Variants in MALRD1 observed in about 807,000 individuals in gnomAD.
MALRD1 encodes the protein MAM and LDL-receptor class A domain-containing protein 1.
Under a neutral mutation model 242.1 loss-of-function variants are expected in MALRD1, and 247 were observed. The ratio of observed to expected loss-of-function variants is 1.02; its 90% CI spans 0.92 to 1.13. The LOEUF is 1.13. Ranked by LOEUF, MALRD1 falls within the 50% of genes most tolerant of loss-of-function variation. The probability of loss-of-function intolerance (pLI) is 0.00; values close to 1 mark genes in which losing one functional copy is unlikely to be tolerated. For synonymous variants in MALRD1, 995 were observed against 866.6 expected (o/e 1.15, Z -2.60); for missense variants, 2,989 against 2,533.1 (o/e 1.18, Z -3.86).
intron 19 of MALRD1, among the ~76,000 whole-genome samples, chr10:19,277,554 G>A (rs1233327262): frequency 3.9e-5 from 6 of 152,086 alleles, no homozygotes; most frequent in Admixed American, 2.6e-4. Flanking sequence ...TACTAGCTGA[G>A]GAAATATGAA....
intron 35 of MALRD1, 141 bp from the exon 36 acceptor site, chr10:19,615,716 T>A: frequency 1.6e-6 from 1 of 642,980 alleles, no homozygotes; most frequent in Non-Finnish European, 2.6e-6. Context: ...AAGTAGCCTA[T>A]GGGAATTCTT....
In MALRD1 at chr10:19,494,922, G is replaced by A. The variant is rs1367989711; in HGVS notation, c.5158+3277G>A. On this transcript the variant is annotated intron_variant, in intron 30 of 39. Coordinates refer to ENST00000454679, the MANE Select transcript of MALRD1 (RefSeq NM_001142308.3). Reference sequence around the variant, plus strand: ...CCAACATTCAAATTCAGGAAATGAAGAGAACCCCTGCAAGATATTACACAT... The same window carrying A: ...CCAACATTCAAATTCAGGAAATGAAAAGAACCCCTGCAAGATATTACACAT... Among the ~76,000 whole-genome samples the A allele has an allele frequency of 2.6e-5, 4 of 151,362 alleles. No homozygotes were observed. The East Asian group carries it at 7.7e-4, about 29-fold the overall frequency.
In MALRD1 at chr10:19,141,710, G is replaced by A. The variant is rs144250133; in HGVS notation, c.1412-4488G>A. ...TAGTTCAGGAAATTCCATGAAAAAGGGGTTTTTTAAATTATAGGACTTTAA... is the reference window on the plus strand; with the variant it reads ...TAGTTCAGGAAATTCCATGAAAAAGAGGTTTTTTAAATTATAGGACTTTAA... On this transcript the variant is annotated intron_variant, in intron 10 of 39. Coordinates refer to ENST00000454679, the MANE Select transcript of MALRD1 (RefSeq NM_001142308.3). 2.8e-3 allele frequency among the ~76,000 whole-genome samples: 432 copies of A among 151,836 alleles called. 1 individual carries two copies. The highest frequency in any genetic ancestry group is 0.01 in the African/African-American group (418 of 41,436).
intron 31 of MALRD1, among the ~76,000 whole-genome samples, chr10:19,522,929 A>G (rs747892682): frequency 3.9e-5 from 6 of 152,326 alleles, no homozygotes; most frequent in Non-Finnish European, 7.4e-5. Context: ...AATGAAAGAC[A>G]TGCTACCTTC....
At chr10:19,226,016 G>A (rs1282473211) in intron 18 of MALRD1, among the ~76,000 whole-genome samples, 14 of 152,098 alleles carry the variant, frequency 9.2e-5, no homozygotes, top group Non-Finnish European at 2.1e-4. Flanking sequence ...GTTTTACGTG[G>A]ATTCTCTCAA....
At chr10:19,210,576 T>G (rs754525519) in intron 18 of MALRD1, among the ~76,000 whole-genome samples, 6 of 152,242 alleles carry the variant, frequency 3.9e-5, no homozygotes, top group Non-Finnish European at 1.5e-5. Flanking sequence ...TGTCCCTGGC[T>G]AAACTTTTTT....
intron 14 of MALRD1, among the ~76,000 whole-genome samples, chr10:19,176,237 A>G (rs1364351600): frequency 6.6e-6 from 1 of 152,074 alleles, no homozygotes; most frequent in African/African-American, 2.4e-5. Flanking sequence ...GTATTCTTAC[A>G]GGAGCTGAAT....
chr10:19,220,854 A>C (rs182649646), intron 18 of MALRD1, among the ~76,000 whole-genome samples: 181 of 152,284 alleles, frequency 1.2e-3, no homozygotes, highest in African/African-American at 3.9e-3. Flanking sequence ...ATTATTTGGC[A>C]CCCAGGAAAC....
chr10:19,474,041 G>A (rs930152049), intron 29 of MALRD1, among the ~76,000 whole-genome samples: 3 of 151,922 alleles, frequency 2.0e-5, no homozygotes, highest in African/African-American at 7.3e-5. Context: ...GTGTAAGATG[G>A]TATCTAGTTT....
intron 18 of MALRD1, among the ~76,000 whole-genome samples, chr10:19,238,381 A>T (rs1349088930): frequency 1.5e-5 from 1 of 65,490 alleles, no homozygotes; most frequent in African/African-American, 5.8e-5. Flanking sequence ...ATTATACATA[A>T]TATATTATAT....
At chr10:19,395,480 A>T (rs1230491687) in intron 28 of MALRD1, among the ~76,000 whole-genome samples, 1 of 152,150 alleles carries the variant, frequency 6.6e-6, no homozygotes, top group African/African-American at 2.4e-5. Flanking sequence ...CATTCCTTTG[A>T]GTTTCTGATT....
rs11443184 is a variant in MALRD1 at position 19,176,366 on chromosome 10, C to CTTTTTTTTTTTTTTTTTTTTTTTTTT, written c.1951+1057_1951+1058insTTTTTTTTTTTTTTTTTTTTTTTTTT. On this transcript the variant is annotated intron_variant, in intron 14 of 39. Transcript: ENST00000454679. ...TCGAGAGAGTGTATATTTCTGGGTG[C>CTTTTTTTTTTTTTTTTTTTTTTTTTT]TTTTTTTTTTTTTTTTTTTGAGACG... Among the ~76,000 whole-genome samples the CTTTTTTTTTTTTTTTTTTTTTTTTTT allele has an allele frequency of 9.2e-5, 8 of 87,302 alleles. 2 individuals are homozygous for CTTTTTTTTTTTTTTTTTTTTTTTTTT. Among genetic ancestry groups the CTTTTTTTTTTTTTTTTTTTTTTTTTT allele is most frequent in the Admixed American group, 2.9e-4 (2 of 6,842 alleles). The allele number at this position is 87,302 out of a possible 152,430, so 57.3% of individuals were successfully genotyped here.
intron 4 of MALRD1, among the ~76,000 whole-genome samples, chr10:19,101,684 GTATAT>G (rs1435104876): frequency 8.1e-4 from 107 of 131,456 alleles, no homozygotes; most frequent in Non-Finnish European, 1.4e-3. Flanking sequence ...TAAGATATAG[GTATAT>G]TATACATATA....
intron 28 of MALRD1, among the ~76,000 whole-genome samples, chr10:19,434,053 T>A (rs1834252659): frequency 6.6e-6 from 1 of 152,154 alleles, no homozygotes; most frequent in South Asian, 2.1e-4. Context: ...AAATGATTAC[T>A]AAGTATGCTT....
At chr10:19,572,925 C>A (rs532614594) in intron 33 of MALRD1, among the ~76,000 whole-genome samples, 1 of 152,218 alleles carries the variant, frequency 6.6e-6, no homozygotes, top group African/African-American at 2.4e-5. Flanking sequence ...TGAATTCAGA[C>A]TTCTGGCCTC....
rs368725978 is a variant in MALRD1, at chr10:19,354,132, C to T, written c.4441+1835C>T. Among the ~76,000 whole-genome samples the T allele has an allele frequency of 3.9e-5, 6 of 152,020 alleles. No homozygotes were observed. In the East Asian group the frequency reaches 1.2e-3, roughly 29 times the overall value. ...ACCAATCTTGTTGGGGATTTTAAGA[C>T]TTTAAACTTGTAAAATCTTGAATGA... On this transcript the variant is annotated intron_variant, in intron 26 of 39. Coordinates refer to ENST00000454679, the MANE Select transcript of MALRD1 (RefSeq NM_001142308.3).
intron 30 of MALRD1, among the ~76,000 whole-genome samples, chr10:19,492,586 C>T (rs1167452427): frequency 2.6e-5 from 4 of 152,134 alleles, no homozygotes; most frequent in African/African-American, 4.8e-5. Context: ...TTGGGCTTTA[C>T]ATAACATGGT....
At chr10:19,690,093 T>C (rs1392786474) in intron 36 of MALRD1, among the ~76,000 whole-genome samples, 1 of 152,054 alleles carries the variant, frequency 6.6e-6, no homozygotes. Context: ...GGGTAGTGTA[T>C]TCATTTTTCT....
intron 32 of MALRD1, among the ~76,000 whole-genome samples, chr10:19,549,344 C>T (rs61841421): frequency 0.016 from 2,423 of 152,268 alleles, 30 homozygotes; most frequent in South Asian, 0.032. Flanking sequence ...GTGGGTAAAA[C>T]GCTATCAAAT....
Sources: gnomAD v4.1 joint callset for allele counts (sites outside exome capture counted in the v4.1 genomes callset) on GRCh38, gnomAD v4.1.1 for gene constraint, MANE v1.5 for transcripts, NCBI Gene and HGNC (gene_info 2026-07-23, HGNC 2026-07-21) for gene names.